The following SLC35A3 variants were observed in gnomAD, a reference collection of about 807,000 sequenced individuals.
SLC35A3 encodes solute carrier family 35 member A3.
In SLC35A3, 26 loss-of-function variants were observed where a neutral mutation model predicts 39.0. The ratio of observed to expected loss-of-function variants is 0.67; its 90% confidence interval spans 0.49 to 0.92. SLC35A3 has a LOEUF of 0.92. SLC35A3 is among the 40% of genes least tolerant of loss of function. The pLI is 0.00. For missense variants in SLC35A3, 299 were observed against 371.6 expected, an observed-to-expected ratio of 0.80 and a Z score of 1.61; for synonymous variants, 135 against 133.1, an observed-to-expected ratio of 1.01 and a Z score of -0.10.
chr1:99,970,590 G>C (rs1445688782), intron 1 of SLC35A3: 1 of 1,536,120 alleles, frequency 6.5e-7, no homozygotes, highest in African/African-American at 1.4e-5. Flanking sequence ...CACCCGACCA[G>C]CACCTGGAGC....
chr1:99,985,347 GT>G (rs1180206599), intron 1 of SLC35A3, among the ~76,000 whole-genome samples: 1 of 152,042 alleles, frequency 6.6e-6, no homozygotes, highest in Non-Finnish European at 1.5e-5. Flanking sequence ...CTATGTTTTT[GT>G]TTGCTTTGTT....
intron 1 of SLC35A3, among the ~76,000 whole-genome samples, chr1:99,992,712 T>C (rs1454801816): frequency 6.6e-6 from 1 of 152,260 alleles, no homozygotes; most frequent in Admixed American, 6.5e-5. Flanking sequence ...TTGGTTGTCC[T>C]TACTCATCCA....
intron 4 of SLC35A3, among the ~76,000 whole-genome samples, chr1:100,010,111 T>C (rs777058806): frequency 1.2e-4 from 19 of 152,206 alleles, no homozygotes; most frequent in Non-Finnish European, 2.4e-4. Flanking sequence ...ACGTGCTCAA[T>C]AGCCACTTAA....
rs117279855 is a variant in SLC35A3, at chr1:100,006,650, C to T, written c.343-384C>T. ...AGGCCTGTGCAAGGACAGGCTTGTC[C>T]TCAGGCCCCTGGATGGTCTGCGCAG... On this transcript the variant is annotated intron_variant, in intron 3 of 7. Transcript: ENST00000533028. Among the ~76,000 whole-genome samples, 36 of 152,248 alleles carry T rather than the reference C, an allele frequency of 2.4e-4. No homozygotes were observed. In the East Asian group the frequency reaches 6.8e-3, roughly 29 times the overall value.
intron 1 of SLC35A3, chr1:99,970,650 GCTAGT>G: frequency 6.5e-7 from 1 of 1,533,040 alleles, no homozygotes; most frequent in Non-Finnish European, 8.7e-7. Context: ...CCTTGGTAAG[GCTAGT>G]AAGAACACAA....
chr1:99,980,562 T>C (rs1657398450), intron 1 of SLC35A3, among the ~76,000 whole-genome samples: 1 of 152,228 alleles, frequency 6.6e-6, no homozygotes, highest in Non-Finnish European at 1.5e-5. Context: ...TATTTAAATC[T>C]AGGAATGGAA....
In SLC35A3 at chr1:100,034,398, T is replaced by G. The variant is rs535015001; in HGVS notation, c.*11922T>G. 13 of 152,206 alleles carry G rather than the reference T, an allele frequency of 8.5e-5. No homozygotes were observed. Among genetic ancestry groups the G allele is most frequent in the African/African-American group, 3.1e-4 (13 of 41,458 alleles). The allele number at this position is 152,206 out of a possible 1,614,324, so 9.4% of individuals were successfully genotyped here. A position where few individuals can be genotyped will look rare whatever the true frequency, so the allele number is the denominator to read the frequency against. On this transcript the variant is annotated 3_prime_UTR_variant, in exon 8 of 8. Coordinates refer to ENST00000533028, the MANE Select transcript of SLC35A3 (RefSeq NM_012243.3). ...CATCTTACTATTGAGTTTAAAAATT[T>G]TTATTTGCTGTGTTCTTTTATATGT...
chr1:100,011,129 A>T (rs1406749198), intron 4 of SLC35A3, among the ~76,000 whole-genome samples: 1 of 152,180 alleles, frequency 6.6e-6, no homozygotes, highest in Non-Finnish European at 1.5e-5. Context: ...TAATAGATGA[A>T]ATGTAAAATA....
chr1:100,003,981 C>A (rs1325214676), intron 3 of SLC35A3, among the ~76,000 whole-genome samples: 3 of 152,190 alleles, frequency 2.0e-5, no homozygotes, highest in African/African-American at 7.2e-5. Context: ...TCTCTCTATC[C>A]CTTTACTTTC....
chr1:100,007,585 C>G (rs1490087528), intron 4 of SLC35A3: 1 of 152,256 alleles, frequency 6.6e-6, no homozygotes, highest in East Asian at 1.9e-4. Context: ...CCTTTAAATA[C>G]TGGGGTTGCT....
intron 1 of SLC35A3, among the ~76,000 whole-genome samples, chr1:99,990,296 C>A (rs547102657): frequency 6.6e-6 from 1 of 152,000 alleles, no homozygotes; most frequent in African/African-American, 2.4e-5. Flanking sequence ...GTATATCTGG[C>A]GGGGCACGGT....
rs775251215 is a variant in SLC35A3, at chr1:100,022,525, C to T, written c.*49C>T. Reference sequence around the variant, plus strand: ...TTTCACGATGGGGCACTAGGAATCTCGACATTAATCTTGCACAGAGGACTT... The same window carrying T: ...TTTCACGATGGGGCACTAGGAATCTTGACATTAATCTTGCACAGAGGACTT... On this transcript the variant is annotated 3_prime_UTR_variant, in exon 8 of 8. Coordinates refer to ENST00000533028, the MANE Select transcript of SLC35A3 (RefSeq NM_012243.3). 26 of 947,432 alleles carry T rather than the reference C, an allele frequency of 2.7e-5. No homozygotes were observed. The highest frequency in any genetic ancestry group is 9.9e-5 in the African/African-American group (6 of 60,706). The allele number at this position is 947,432 out of a possible 1,614,324, so 58.7% of individuals were successfully genotyped here. A position where few individuals can be genotyped will look rare whatever the true frequency, so the allele number is the denominator to read the frequency against.
intron 4 of SLC35A3, among the ~76,000 whole-genome samples, chr1:100,009,829 G>T (rs528327544): frequency 6.6e-6 from 1 of 152,306 alleles, no homozygotes; most frequent in African/African-American, 2.4e-5. Flanking sequence ...AGGTATGTTT[G>T]CTTTGAAGAG....
intron 1 of SLC35A3, among the ~76,000 whole-genome samples, chr1:99,971,163 A>G (rs772359788): frequency 2.6e-5 from 4 of 152,150 alleles, no homozygotes; most frequent in Non-Finnish European, 5.9e-5. Flanking sequence ...CCTTCCTCAG[A>G]AATACGCAGT....
In SLC35A3 at chr1:99,978,459, A is replaced by G. The variant is rs960834053; in HGVS notation, c.-19+8297A>G. ...GGAGTATAGCTTGAGCCCAGGAGGT[A>G]GAGGCAGCAGTGAGCCGTGGCATGC... On this transcript the variant is annotated intron_variant, in intron 1 of 7. Transcript: ENST00000533028. 3.9e-5 allele frequency among the ~76,000 whole-genome samples: 6 copies of G among 152,210 alleles called. 1 individual carries two copies. The South Asian group carries it at 6.2e-4, about 16-fold the overall frequency.
At chr1:100,006,555 G>T (rs1557838472) in intron 3 of SLC35A3, among the ~76,000 whole-genome samples, 1 of 152,142 alleles carries the variant, frequency 6.6e-6, no homozygotes, top group Non-Finnish European at 1.5e-5. Context: ...AGGTTGTGCA[G>T]GGTCAGTCGC....
Position 100,034,579 on chromosome 1 carries a change from A to G in SLC35A3, c.*12103A>G, listed in dbSNP as rs972154477. The G allele has an allele frequency of 2.0e-5, 3 of 152,016 alleles. No homozygotes were observed. Among genetic ancestry groups the G allele is most frequent in the African/African-American group, 4.8e-5 (2 of 41,386 alleles). The allele number at this position is 152,016 out of a possible 1,614,324, so 9.4% of individuals were successfully genotyped here. On this transcript the variant is annotated 3_prime_UTR_variant, in exon 8 of 8. Transcript: ENST00000533028. ...TTGGTGGCTTTTCTATTCATGATTA[A>G]ATGTGTAGGATCTTCTTCAATCAGC...
intron 1 of SLC35A3, among the ~76,000 whole-genome samples, chr1:99,986,533 A>C (rs1332218201): frequency 6.6e-6 from 1 of 152,084 alleles, no homozygotes; most frequent in African/African-American, 2.4e-5. Context: ...TTGGAAATGG[A>C]AATGCAAAAT....
intron 2 of SLC35A3, among the ~76,000 whole-genome samples, chr1:99,995,424 A>G (rs777077331): frequency 2.0e-5 from 3 of 152,020 alleles, no homozygotes; most frequent in Non-Finnish European, 4.4e-5. Flanking sequence ...AAGTGCTGGG[A>G]TTACAGGAGT....
Sources: allele counts gnomAD v4.1 joint callset (sites outside exome capture counted in the v4.1 genomes callset), GRCh38; gene constraint gnomAD v4.1.1; transcripts MANE v1.5; gene names NCBI Gene and HGNC (gene_info 2026-07-23, HGNC 2026-07-21).